The following SLC25A45 variants were observed in gnomAD, a reference collection of about 807,000 sequenced individuals.
The protein encoded by SLC25A45 is methylated amino-acid transporter SLC25A45.
Under a neutral mutation model 23.0 loss-of-function variants are expected in SLC25A45, and 22 were observed. The ratio of observed to expected loss-of-function variants is 0.95; its 90% CI spans 0.68 to 1.36. SLC25A45 has a LOEUF of 1.36. Among genes scored for constraint, SLC25A45 ranks in the 40% most tolerant of loss-of-function variants. The pLI is 0.00. For missense variants in SLC25A45, 355 were observed against 383.5 expected (o/e 0.93, Z 0.62); for synonymous variants, 136 against 155.0 (o/e 0.88, Z 0.91).
In SLC25A45 at chr11:65,376,353, A is replaced by C. The variant is rs920347063; in HGVS notation, c.*54T>G. ...GCTTTCAACCTGGCCTCCAATCTCA[A>C]ACTGGCCTCCAGGCCGTGGGCCTGA... is the stretch of plus-strand genomic sequence containing the variant. On this transcript the variant is annotated 3_prime_UTR_variant, in exon 7 of 7. Coordinates refer to ENST00000398802, the MANE Select transcript of SLC25A45 (RefSeq NM_182556.4). The C allele has an allele frequency of 2.5e-5, 40 of 1,589,662 alleles. No homozygotes were observed. Among genetic ancestry groups the C allele is most frequent in the Non-Finnish European group, 3.4e-5 (40 of 1,163,972 alleles).
rs1369412167 is a variant in SLC25A45, at chr11:65,380,280, G to A, written c.38-105C>T. 5 of 1,543,108 alleles carry A rather than the reference G, an allele frequency of 3.2e-6. No individual in the cohort carries two copies. The African/African-American group carries it at 4.1e-5, about 13-fold the overall frequency. On this transcript the variant is annotated intron_variant, in intron 2 of 6. Coordinates refer to ENST00000398802, the MANE Select transcript of SLC25A45 (RefSeq NM_182556.4). Reference sequence around the variant, plus strand: ...GGTTCAGGCAGGAGGAAGGAGAGCAGGGCCATCTCAGACACATGCAGCCAC... The same window carrying A: ...GGTTCAGGCAGGAGGAAGGAGAGCAAGGCCATCTCAGACACATGCAGCCAC...
chr11:65,382,195 A>G lies in SLC25A45; in HGVS notation c.-18-226T>C. The G allele has an allele frequency of 1.8e-6, 1 of 564,918 alleles. No individual in the cohort carries two copies. The allele number at this position is 564,918 out of a possible 1,614,324, so 35.0% of individuals were successfully genotyped here. ...CACGGGCCAGGCGTGCCGGGACCAC[A>G]GAGGCCCTGATCCCCGAGCCCGGCC... On this transcript the variant is annotated intron_variant, in intron 1 of 6. Transcript: ENST00000398802. The surrounding 1 kb of genome is among the most constrained non-coding windows in gnomAD (Gnocchi z 4.4).
At position 65,376,123 on chromosome 11, in the gene SLC25A45, G is replaced by T; in HGVS notation, c.*284C>A. ...GAAGGCACAGGACAGGAGCTGGGAT[G>T]TCACCAGCACCACTTGCCAGCTCAC... On this transcript the variant is annotated 3_prime_UTR_variant, in exon 7 of 7. Transcript: ENST00000398802. 12 of 459,636 alleles carry T rather than the reference G, an allele frequency of 2.6e-5. No homozygotes were observed. The highest frequency in any genetic ancestry group is 7.7e-5 in the East Asian group (2 of 26,128). The allele number at this position is 459,636 out of a possible 1,614,324, so 28.5% of individuals were successfully genotyped here. A position where few individuals can be genotyped will look rare whatever the true frequency, so the allele number is the denominator to read the frequency against.
At chr11:65,379,016 G>T in intron 5 of SLC25A45, 1 of 287,750 alleles carries the variant, frequency 3.5e-6, no homozygotes, top group Non-Finnish European at 6.7e-6. Context: ...ACAGCTCTGC[G>T]GGGTGCTGGT....
upstream of SLC25A45, chr11:65,382,660 T>A (rs966664181): frequency 6.6e-6 from 1 of 152,546 alleles, no homozygotes; most frequent in Non-Finnish European, 1.5e-5. The surrounding 1 kb of genome is among the most constrained non-coding windows in gnomAD (Gnocchi z 4.4). Flanking sequence ...ACCAAAACCC[T>A]TTCAAGGATC....
At chr11:65,377,961 G>C (rs1439080369) in intron 5 of SLC25A45, 1 of 152,356 alleles carries the variant, frequency 6.6e-6, no homozygotes, top group Non-Finnish European at 1.5e-5. Context: ...ATGGCGACGG[G>C]GGCTGGCGGT....
chr11:65,381,557 A>ATTCT, intron 2 of SLC25A45: 1 of 179,076 alleles, frequency 5.6e-6, no homozygotes, highest in Admixed American at 7.6e-5. Flanking sequence ...CCATGCCCTG[A>ATTCT]TTCTTTTTTT....
At chr11:65,379,314 G>A (rs1855397434) in intron 5 of SLC25A45, 62 bp downstream of exon 5, 2 of 1,578,782 alleles carry the variant, frequency 1.3e-6, no homozygotes, top group African/African-American at 1.3e-5. Flanking sequence ...CAGGGTGGGA[G>A]AGGACAGATC....
Position 65,377,192 on chromosome 11 carries a change from C to T in SLC25A45, c.340-116G>A, listed in dbSNP as rs567018127. 135 of 1,458,426 alleles carry T rather than the reference C, an allele frequency of 9.3e-5. 1 individual carries two copies. Among genetic ancestry groups the T allele is most frequent in the Non-Finnish European group, 1.1e-4 (124 of 1,107,118 alleles). 90.3% of individuals were successfully genotyped at this position (1,458,426 alleles called of 1,614,324 possible). A position where few individuals can be genotyped will look rare whatever the true frequency, so the allele number is the denominator to read the frequency against. The stretch of plus-strand genomic sequence containing the variant: ...GCCACATCTTCCAGTCCCTCAGGAA[C>T]CCTGCCGGCACCCAGCCTCTCACGT... On this transcript the variant is annotated intron_variant, in intron 5 of 6. Transcript: ENST00000398802.
At chr11:65,380,554 T>G (rs747687572) in intron 2 of SLC25A45, 6 of 1,333,658 alleles carry the variant, frequency 4.5e-6, no homozygotes, top group Non-Finnish European at 5.9e-6. Flanking sequence ...GCTTTACTCT[T>G]CTTTCTTCAA....
In SLC25A45 at chr11:65,375,986, C is replaced by T. The variant is rs115588054; in HGVS notation, c.*421G>A. On this transcript the variant is annotated 3_prime_UTR_variant, in exon 7 of 7. Transcript: ENST00000398802. ...CTGAGGCAGGAGAGTTGCTTGAACC[C>T]GGAAGGTGGAAAGGCGGAGGTTGCA... The T allele has an allele frequency of 2.0e-3, 345 of 176,186 alleles. No individual in the cohort carries two copies. Among genetic ancestry groups the T allele is most frequent in the African/African-American group, 8.0e-3 (328 of 41,204 alleles). The allele number at this position is 176,186 out of a possible 1,614,324, so 10.9% of individuals were successfully genotyped here. A position where few individuals can be genotyped will look rare whatever the true frequency, so the allele number is the denominator to read the frequency against.
rs967245656 is a variant in SLC25A45 at position 65,376,287 on chromosome 11, C to G, written c.*120G>C. ...CCCAGATCTGCGCGGGTGGGAGGCA[C>G]CTTGGTTAGGAAGGGCTGAGCCTCT... On this transcript the variant is annotated 3_prime_UTR_variant, in exon 7 of 7. Coordinates refer to ENST00000398802, the MANE Select transcript of SLC25A45 (RefSeq NM_182556.4). 1.0e-4 allele frequency: 133 copies of G among 1,306,192 alleles called. No homozygotes were observed. The highest frequency in any genetic ancestry group is 1.9e-4 in the Middle Eastern group (1 of 5,362). 80.9% of individuals were successfully genotyped at this position (1,306,192 alleles called of 1,614,324 possible).
intron 2 of SLC25A45, 186 bp downstream of exon 2, chr11:65,381,729 G>T: frequency 6.0e-6 from 4 of 663,440 alleles, no homozygotes; most frequent in Non-Finnish European, 1.1e-5. Flanking sequence ...TAATTATTTT[G>T]ATTTTTTTGT....
rs200860222 is a variant in SLC25A45 at position 65,376,231 on chromosome 11, T to C, written c.*176A>G. On this transcript the variant is annotated 3_prime_UTR_variant, in exon 7 of 7. Coordinates refer to ENST00000398802, the MANE Select transcript of SLC25A45 (RefSeq NM_182556.4). ...ACACAGGGAGGCTGCACAGGCCCCC[T>C]GGCTTCCGGCTCCCACAGGTGTCTG... The C allele has an allele frequency of 1.8e-4, 41 of 222,722 alleles. No homozygotes were observed. Among genetic ancestry groups the C allele is most frequent in the Middle Eastern group, 8.5e-4 (1 of 1,180 alleles). 13.8% of individuals were successfully genotyped at this position (222,722 alleles called of 1,614,324 possible).
Position 65,376,394 on chromosome 11 carries a change from A to G in SLC25A45, c.*13T>C. The G allele has an allele frequency of 1.9e-6, 3 of 1,607,292 alleles. No homozygotes were observed. The highest frequency in any genetic ancestry group is 2.6e-6 in the Non-Finnish European group (3 of 1,174,246). On this transcript the variant is annotated 3_prime_UTR_variant, in exon 7 of 7. Coordinates refer to ENST00000398802, the MANE Select transcript of SLC25A45 (RefSeq NM_182556.4). The stretch of plus-strand genomic sequence containing the variant: ...GTGGGCCTGATGGGGAGCTGCTGGC[A>G]TTGCCGCAGGGCTCATCCCCACCAG...
chr11:65,380,877 A>G (rs751889246), intron 2 of SLC25A45: 8 of 290,972 alleles, frequency 2.7e-5, no homozygotes, highest in South Asian at 1.1e-4. Flanking sequence ...CAGGTGGGGC[A>G]GAGGCCCAGA....
intron 2 of SLC25A45, chr11:65,380,847 C>T (rs1238065410): frequency 3.2e-6 from 1 of 308,356 alleles, no homozygotes; most frequent in East Asian, 9.2e-5. Flanking sequence ...GCCTCAGGGC[C>T]CGGGACTGCG....
At position 65,375,965 on chromosome 11, in the gene SLC25A45, G is replaced by A. The variant is rs182869926; in HGVS notation, c.*442C>T. 2.4e-4 allele frequency: 41 copies of A among 173,056 alleles called. No individual in the cohort carries two copies. Among genetic ancestry groups the A allele is most frequent in the African/African-American group, 9.6e-4 (40 of 41,724 alleles). The allele number at this position is 173,056 out of a possible 1,614,324, so 10.7% of individuals were successfully genotyped here. On this transcript the variant is annotated 3_prime_UTR_variant, in exon 7 of 7. Transcript: ENST00000398802. ...TAGTCCCAGCTACTTGGGAGGCTGA[G>A]GCAGGAGAGTTGCTTGAACCCGGAA...
chr11:65,376,541 A>C lies in SLC25A45; in HGVS notation c.733T>G (p.Cys245Gly). The C allele has an allele frequency of 6.2e-7, 1 of 1,614,188 alleles. No homozygotes were observed. The highest frequency in any genetic ancestry group is 8.5e-7 in the Non-Finnish European group (1 of 1,180,038). Residue 245 changes from cysteine (C) to glycine (G), a missense_variant, in exon 7 of 7, where the codon TGC (cysteine) becomes GGC (glycine). Physicochemically the swap from Cys to Gly is radical, Grantham distance 159 (BLOSUM62 -3). Transcript: ENST00000398802. ...TCCTGCCGGATGCTGCTCACCATGC[A>C]GTCCAGCATCCCCTGGTACACTCTG... ...RRRVYQGMLD[C>G]MVSSIRQEGL...
Sources: gnomAD v4.1 joint callset for allele counts on GRCh38, gnomAD v4.1.1 for gene constraint, Gnocchi (gnomAD v3.1) non-coding constraint, MANE v1.5 for transcripts, NCBI Gene and HGNC (gene_info 2026-07-23, HGNC 2026-07-21) for gene names.